The following IRS2 variants were observed in gnomAD, a reference collection of about 807,000 sequenced individuals.
IRS2 encodes the protein insulin receptor substrate 2.
IRS2 carries 28 observed loss-of-function variants against 70.9 expected under a neutral mutation model. The ratio of observed to expected loss-of-function variants is 0.39; its 90% CI spans 0.29 to 0.54. IRS2 has a LOEUF of 0.54. IRS2 is among the 20% of genes least tolerant of loss of function. IRS2 has a pLI of 0.59. For missense variants in IRS2, 2,081 were observed against 2,024.1 expected (o/e 1.03, Z -0.54); for synonymous variants, 1,217 against 981.9 (o/e 1.24, Z -4.48).
rs1877781456 is a variant in IRS2, at chr13:109,783,268, G to A, written c.2786C>T (p.Ala929Val). The A allele has an allele frequency of 1.4e-6, 2 of 1,455,880 alleles. No individual in the cohort carries two copies. Among genetic ancestry groups the A allele is most frequent in the Non-Finnish European group, 1.8e-6 (2 of 1,108,774 alleles). 90.2% of individuals were successfully genotyped at this position (1,455,880 alleles called of 1,614,324 possible). The change falls in exon 1 of 2, where the codon GCC becomes GTC. Residue 929 changes from alanine (A) to valine (V), a missense_variant. Ala to Val is a moderately conservative substitution (Grantham distance 64). Coordinates refer to ENST00000375856, the MANE Select transcript of IRS2 (RefSeq NM_003749.3). ...YINIDFGEPG[A>V]RLSPPAPPLL... ...GGGAGGCGCGGGCGGCGACAGGCGG[G>A]CCCCGGGCTCGCCAAAGTCGATGTT... is the stretch of plus-strand genomic sequence containing the variant.
At position 109,782,908 on chromosome 13, in the gene IRS2, G is replaced by A. The variant is rs1042990241; in HGVS notation, c.3146C>T (p.Ala1049Val). 8 of 1,547,460 alleles carry A rather than the reference G, an allele frequency of 5.2e-6. No homozygotes were observed. In the African/African-American group the frequency reaches 8.3e-5, roughly 16 times the overall value. The change falls in exon 1 of 2, where the codon GCC (alanine) becomes GTC (valine). Residue 1049 changes from alanine (A) to valine (V), a missense_variant. By Grantham distance (64) the Ala-to-Val change is moderately conservative (BLOSUM62 0). Coordinates refer to ENST00000375856, the MANE Select transcript of IRS2 (RefSeq NM_003749.3). Reference sequence around the variant, plus strand: ...GCCCGGGCCCTGGGCGGTGGCAACGGCCGAGGCGGGGGGCAGGCGGTACAG... The same window carrying A: ...GCCCGGGCCCTGGGCGGTGGCAACGACCGAGGCGGGGGGCAGGCGGTACAG... The part of the protein sequence containing the change: ...GELYRLPPAS[A>V]VATAQGPGAA...
intron 1 of IRS2, among the ~76,000 whole-genome samples, chr13:109,778,187 G>A (rs1289901065): frequency 1.3e-5 from 2 of 152,174 alleles, no homozygotes; most frequent in Non-Finnish European, 2.9e-5. Flanking sequence ...ACAGAAAGGG[G>A]AGGATTATAA....
intron 1 of IRS2, among the ~76,000 whole-genome samples, chr13:109,775,723 C>T (rs1053418558): frequency 2.0e-4 from 30 of 149,830 alleles, no homozygotes; most frequent in Non-Finnish European, 4.1e-4. Flanking sequence ...ATCCAGCCTC[C>T]TGGAGCATGA....
rs1483548757 is a variant in IRS2, at chr13:109,785,307, G to C, written c.747C>G (p.Gly249=). 6.2e-7 allele frequency: 1 copy of C among 1,609,450 alleles called. No homozygotes were observed. Among genetic ancestry groups the C allele is most frequent in the Admixed American group, 1.7e-5 (1 of 59,644 alleles). Residue 249 remains glycine, a synonymous_variant, in exon 1 of 2, where the codon GGC becomes GGG. Transcript: ENST00000375856. The surrounding 1 kb of genome is among the most constrained non-coding windows in gnomAD (Gnocchi z 9.3). ...CGATGAAGAAGAAGCTGTCCGAGTG[G>C]CCGCAGCGGCGGATGTTCATGAGCT... is the stretch of plus-strand genomic sequence containing the variant. The part of the protein sequence containing the change: ...TLQLMNIRRC[G]HSDSFFFIEV...
At position 109,783,948 on chromosome 13, in the gene IRS2, C is replaced by CACG. The variant is rs777819219; in HGVS notation, c.2103_2105dup (p.Val702dup). The CACG allele has an allele frequency of 2.3e-4, 345 of 1,525,038 alleles. No homozygotes were observed. The highest frequency in any genetic ancestry group is 2.8e-4 in the Non-Finnish European group (322 of 1,140,160). 94.5% of individuals were successfully genotyped at this position (1,525,038 alleles called of 1,614,324 possible). ...CTGGCCCCGCAGGCCCCGCAGAAGG[C>CACG]ACGGCGGCGGCGGCGGCGGCGGCGG... On this transcript the variant is annotated inframe_insertion, in exon 1 of 2. Transcript: ENST00000375856.
Position 109,782,730 on chromosome 13 carries a change from C to T in IRS2, c.3324G>A (p.Leu1108=). ...CTCCCGACACCTGCTCCATGAGGCT[C>T]AGCCTCTTCACGCCCGACGTCGGGC... ...VASPTSGVKR[L]SLMEQVSGVE... is the part of the protein sequence containing the mutation. Residue 1108 remains leucine, a synonymous_variant, in exon 1 of 2, where the codon CTG becomes CTA. Coordinates refer to ENST00000375856, the MANE Select transcript of IRS2 (RefSeq NM_003749.3). 1 of 1,597,238 alleles carries T rather than the reference C, an allele frequency of 6.3e-7. No homozygotes were observed. The highest frequency in any genetic ancestry group is 1.1e-5 in the South Asian group (1 of 88,876).
Position 109,754,900 on chromosome 13 carries a change from T to C in IRS2, c.*1404A>G, listed in dbSNP as rs1250205782. The C allele has an allele frequency of 4.7e-6, 1 of 214,164 alleles. No homozygotes were observed. Among genetic ancestry groups the C allele is most frequent in the Non-Finnish European group, 9.4e-6 (1 of 106,350 alleles). The allele number at this position is 214,164 out of a possible 1,614,324, so 13.3% of individuals were successfully genotyped here. A position where few individuals can be genotyped will look rare whatever the true frequency, so the allele number is the denominator to read the frequency against. On this transcript the variant is annotated 3_prime_UTR_variant, in exon 2 of 2. Coordinates refer to ENST00000375856, the MANE Select transcript of IRS2 (RefSeq NM_003749.3). ...ACATCTCCAATGAATTAGTGTAACC[T>C]CTCCATGACTATCAGAGAAGATAGG...
chr13:109,782,297 A>G lies in IRS2; in HGVS notation c.3757T>C (p.Tyr1253His). The stretch of plus-strand genomic sequence containing the variant: ...TCCTCCCTCACGTCGATGGCGATGT[A>G]GTTGAGACCATTCTGGAAGCCGGCA... ...TSAGFQNGLN[Y>H]IAIDVREEPG... The change falls in exon 1 of 2, where the codon TAC (tyrosine) becomes CAC (histidine). Residue 1253 changes from tyrosine (Y) to histidine (H), a missense_variant. By Grantham distance (83) the Tyr-to-His change is moderately conservative. Around this residue, in one of 4 missense-constraint regions of IRS2, gnomAD observed 1,615 missense variants for 1,459.5 expected, o/e 1.11. Transcript: ENST00000375856. 1 of 1,610,982 alleles carries G rather than the reference A, an allele frequency of 6.2e-7. No homozygotes were observed. Among genetic ancestry groups the G allele is most frequent in the Non-Finnish European group, 8.5e-7 (1 of 1,179,244 alleles).
At chr13:109,774,409 G>A (rs890498690) in intron 1 of IRS2, among the ~76,000 whole-genome samples, 2 of 152,056 alleles carry the variant, frequency 1.3e-5, no homozygotes, top group Non-Finnish European at 2.9e-5. Context: ...AATAAATAGA[G>A]CGCTTTCCTA....
At chr13:109,762,371 C>G (rs1295634075) in intron 1 of IRS2, among the ~76,000 whole-genome samples, 2 of 152,118 alleles carry the variant, frequency 1.3e-5, no homozygotes, top group African/African-American at 4.8e-5. Flanking sequence ...TAGTTAAAAC[C>G]CAGACCAGGA....
In IRS2 at chr13:109,784,909, G is replaced by C. The variant is rs1054027414; in HGVS notation, c.1145C>G (p.Pro382Arg). Residue 382 changes from proline (P) to arginine (R), a missense_variant, in exon 1 of 2, where the codon CCG (proline) becomes CGG (arginine). This residue lies in a region of IRS2 where 1,615 missense variants were observed against 1,459.5 expected (regional missense o/e 1.11). Transcript: ENST00000375856. The surrounding 1 kb of genome is among the most constrained non-coding windows in gnomAD (Gnocchi z 5.2). Reference sequence around the variant, plus strand: ...CAGGGGGCTCCCAGCCACCGACACCGGCCTGGCGCCCGCGGCCGCCGCTCC... The same window carrying C: ...CAGGGGGCTCCCAGCCACCGACACCCGCCTGGCGCCCGCGGCCGCCGCTCC... ...AAGAAAAGARPVSVAGSPLSP... is the reference protein window; with the variant it reads ...AAGAAAAGARRVSVAGSPLSP... 1.9e-6 allele frequency: 2 copies of C among 1,059,796 alleles called. No homozygotes were observed. Among genetic ancestry groups the C allele is most frequent in the African/African-American group, 1.7e-5 (1 of 58,450 alleles). The allele number at this position is 1,059,796 out of a possible 1,614,324, so 65.6% of individuals were successfully genotyped here. A position where few individuals can be genotyped will look rare whatever the true frequency, so the allele number is the denominator to read the frequency against.
chr13:109,764,733 C>T (rs930128172), intron 1 of IRS2, among the ~76,000 whole-genome samples: 1 of 152,212 alleles, frequency 6.6e-6, no homozygotes, highest in Non-Finnish European at 1.5e-5. Context: ...CATTTGTCAT[C>T]ACAGCTCTTC....
At chr13:109,781,209 G>A (rs1454470907) in intron 1 of IRS2, among the ~76,000 whole-genome samples, 2 of 152,090 alleles carry the variant, frequency 1.3e-5, no homozygotes, top group Non-Finnish European at 2.9e-5. Context: ...TCTCACCTGG[G>A]GCAGGGTCCT....
At chr13:109,762,880 C>A (rs1204747583) in intron 1 of IRS2, among the ~76,000 whole-genome samples, 1 of 152,202 alleles carries the variant, frequency 6.6e-6, no homozygotes, top group African/African-American at 2.4e-5. Context: ...AGCTTTAGGA[C>A]TGCGTGAGAC....
chr13:109,754,788 A>G lies in IRS2; in HGVS notation c.*1516T>C, dbSNP rs1209127733. 5.2e-6 allele frequency: 1 copy of G among 192,344 alleles called. No individual in the cohort carries two copies. The highest frequency in any genetic ancestry group is 2.3e-5 in the African/African-American group (1 of 43,052). The allele number at this position is 192,344 out of a possible 1,614,324, so 11.9% of individuals were successfully genotyped here. On this transcript the variant is annotated 3_prime_UTR_variant, in exon 2 of 2. Coordinates refer to ENST00000375856, the MANE Select transcript of IRS2 (RefSeq NM_003749.3). ...TCTTCCTCTAAAAAAGCCTCATTTT[A>G]TTAATGCATTATTCTATAGCGATAG...
chr13:109,784,407 C>A lies in IRS2; in HGVS notation c.1647G>T (p.Leu549=). The A allele has an allele frequency of 6.2e-7, 1 of 1,610,544 alleles. No homozygotes were observed. Among genetic ancestry groups the A allele is most frequent in the East Asian group, 2.2e-5 (1 of 44,832 alleles). Residue 549 remains leucine (L), a synonymous_variant, in exon 1 of 2, where the codon CTG becomes CTT. Coordinates refer to ENST00000375856, the MANE Select transcript of IRS2 (RefSeq NM_003749.3). This position sits in a 1 kb window ranked among gnomAD's most constrained non-coding sequence, Gnocchi z 5.2. ...FYGYMTMDRP[L]SHCGRSYRRV... is the part of the protein sequence containing the mutation. ...GGCGGTAGGAGCGGCCACAGTGGCT[C>A]AGGGGCCTGTCCATGGTCATGTACC...
At chr13:109,763,706 C>T (rs1877275773) in intron 1 of IRS2, among the ~76,000 whole-genome samples, 1 of 152,196 alleles carries the variant, frequency 6.6e-6, no homozygotes, top group Non-Finnish European at 1.5e-5. Context: ...AGACTTAACA[C>T]ATGTTTATAC....
chr13:109,783,935 G>T lies in IRS2; in HGVS notation c.2119C>A (p.Pro707Thr). 1 of 1,539,406 alleles carries T rather than the reference G, an allele frequency of 6.5e-7. No homozygotes were observed. Among genetic ancestry groups the T allele is most frequent in the South Asian group, 1.2e-5 (1 of 83,780 alleles). ...GCAGAGGTGGGTGCTGGCCCCGCAG[G>T]CCCCGCAGAAGGCACGGCGGCGGCG... ...AAAAAVPSAG[P>T]AGPAPTSAAG... Residue 707 changes from proline (P) to threonine (T), a missense_variant, in exon 1 of 2, where the codon CCT becomes ACT. Pro to Thr is a conservative substitution (Grantham distance 38). Around this residue, in one of 4 missense-constraint regions of IRS2, gnomAD observed 1,615 missense variants for 1,459.5 expected, o/e 1.11. Coordinates refer to ENST00000375856, the MANE Select transcript of IRS2 (RefSeq NM_003749.3).
rs1393905670 is a variant in IRS2 at position 109,785,743 on chromosome 13, C to T, written c.311G>A (p.Arg104His). 1 of 1,597,198 alleles carries T rather than the reference C, an allele frequency of 6.3e-7. No individual in the cohort carries two copies. Among genetic ancestry groups the T allele is most frequent in the Non-Finnish European group, 8.5e-7 (1 of 1,177,960 alleles). ...ALDCCLNINK[R>H]ADAKHKYLIA... ...CAGGTACTTGTGCTTGGCGTCGGCG[C>T]GCTTGTTGATGTTCAGGCAGCAGTC... The change falls in exon 1 of 2, where the codon CGC becomes CAC. Residue 104 changes from arginine (R) to histidine (H), a missense_variant. Coordinates refer to ENST00000375856, the MANE Select transcript of IRS2 (RefSeq NM_003749.3). This position sits in a 1 kb window ranked among gnomAD's most constrained non-coding sequence, Gnocchi z 9.3.
Sources: gnomAD v4.1 joint callset for allele counts (sites outside exome capture counted in the v4.1 genomes callset) on GRCh38, gnomAD v4.1.1 for gene constraint, gnomAD v4.1.1 regional missense constraint, Gnocchi (gnomAD v3.1) non-coding constraint, MANE v1.5 for transcripts, NCBI Gene and HGNC (gene_info 2026-07-23, HGNC 2026-07-21) for gene names.